Variants in SSH2 observed in about 807,000 individuals in gnomAD.
SSH2 encodes the protein slingshot protein phosphatase 2.
Under a neutral mutation model 135.2 loss-of-function variants are expected in SSH2, and 37 were observed. The observed-to-expected ratio is 0.27, with a 90% confidence interval of 0.21 to 0.36. The LOEUF (loss-of-function observed/expected upper bound fraction) is 0.36, where lower values mean the gene tolerates loss of function less well. SSH2 is among the 10% of genes least tolerant of loss of function. The pLI is 1.00. For synonymous variants in SSH2, 628 were observed against 646.2 expected (o/e 0.97, Z 0.43); for missense variants, 1,408 against 1,765.3 (o/e 0.80, Z 3.63).
intron 2 of SSH2, among the ~76,000 whole-genome samples, chr17:29,834,816 A>T (rs1417010083): frequency 2.0e-5 from 3 of 152,146 alleles, no homozygotes; most frequent in African/African-American, 7.2e-5. Flanking sequence ...ACAATTTCTC[A>T]TGGAACTATA....
chr17:29,761,954 C>G (rs1319769238), intron 3 of SSH2, among the ~76,000 whole-genome samples: 2 of 150,326 alleles, frequency 1.3e-5, no homozygotes, highest in Non-Finnish European at 3.0e-5. Flanking sequence ...GATCTTGGTT[C>G]ACTGCAACCT....
At chr17:29,699,149 T>A (rs1187565092) in intron 4 of SSH2, among the ~76,000 whole-genome samples, 1 of 152,230 alleles carries the variant, frequency 6.6e-6, no homozygotes, top group Non-Finnish European at 1.5e-5. Flanking sequence ...TCCCTACATT[T>A]CCCTACCATA....
At chr17:29,919,681 G>T (rs1235006577) in intron 1 of SSH2, among the ~76,000 whole-genome samples, 2 of 150,942 alleles carry the variant, frequency 1.3e-5, no homozygotes, top group African/African-American at 4.9e-5. Flanking sequence ...GGCTCATCAA[G>T]AATTACACTT....
Position 29,895,820 on chromosome 17 carries a change from A to G in SSH2, c.63+34118T>C, listed in dbSNP as rs62068657. 4.1e-4 allele frequency among the ~76,000 whole-genome samples: 14 copies of G among 33,852 alleles called. 1 individual carries two copies. The highest frequency in any genetic ancestry group is 1.5e-3 in the East Asian group (1 of 654). The allele number at this position is 33,852 out of a possible 152,430, so 22.2% of individuals were successfully genotyped here. ...ATTTCATGTATAAAATGTATTTTAT[A>G]TACACATTTCATGTATAAAATGTAT... On this transcript the variant is annotated intron_variant, in intron 1 of 15. Coordinates refer to ENST00000540801, the MANE Select transcript of SSH2 (RefSeq NM_001282129.2).
Position 29,795,051 on chromosome 17 carries a change from T to C in SSH2, c.145-1114A>G, listed in dbSNP as rs560192732. On this transcript the variant is annotated intron_variant, in intron 2 of 15. Transcript: ENST00000540801. ...GAGAAAAATAATCTCAGAGAATATG[T>C]GTACTGTCTGCCCAACAAGTCACCT... Among the ~76,000 whole-genome samples, 37 of 152,352 alleles carry C rather than the reference T, an allele frequency of 2.4e-4. No individual in the cohort carries two copies. In the East Asian group the frequency reaches 4.8e-3, roughly 20 times the overall value.
chr17:29,779,810 CAAAAAAAAAAA>C (rs56789691), intron 3 of SSH2, among the ~76,000 whole-genome samples: 1,198 of 19,540 alleles, frequency 0.061, 18 homozygotes, highest in Non-Finnish European at 0.083. Context: ...GACTCTGTCT[CAAAAAAAAAAA>C]AAAAAAAAAA....
At chr17:29,821,707 C>T (rs1405623526) in intron 2 of SSH2, among the ~76,000 whole-genome samples, 1 of 150,840 alleles carries the variant, frequency 6.6e-6, no homozygotes, top group Admixed American at 6.6e-5. Context: ...TGCAGCGGCG[C>T]GATCTCGGCT....
At chr17:29,785,803 T>A (rs1423661686) in intron 3 of SSH2, among the ~76,000 whole-genome samples, 2 of 130,520 alleles carry the variant, frequency 1.5e-5, no homozygotes, top group African/African-American at 6.5e-5. Context: ...CCAGTCCGTT[T>A]ACTTTTTTTT....
chr17:29,672,995 C>A (rs536266454), intron 8 of SSH2, among the ~76,000 whole-genome samples: 196 of 152,048 alleles, frequency 1.3e-3, no homozygotes, highest in Non-Finnish European at 2.2e-3. Flanking sequence ...GCGTGAGCCA[C>A]CGTGCCTGGC....
intron 8 of SSH2, among the ~76,000 whole-genome samples, chr17:29,675,388 C>A (rs1213525763): frequency 1.3e-5 from 2 of 152,136 alleles, no homozygotes; most frequent in Non-Finnish European, 2.9e-5. Flanking sequence ...TACTACCTAA[C>A]AGGCAGCTGA....
intron 11 of SSH2, among the ~76,000 whole-genome samples, chr17:29,664,944 G>A (rs979951056): frequency 6.6e-6 from 1 of 152,110 alleles, no homozygotes; most frequent in South Asian, 2.1e-4. Flanking sequence ...GAATCTGACT[G>A]TATTTCATAT....
chr17:29,661,618 A>G (rs1225842361), intron 11 of SSH2, among the ~76,000 whole-genome samples: 1 of 152,220 alleles, frequency 6.6e-6, no homozygotes, highest in Non-Finnish European at 1.5e-5. Flanking sequence ...AAGAACTACA[A>G]AGGACTTCAA....
intron 3 of SSH2, among the ~76,000 whole-genome samples, chr17:29,718,816 T>A (rs985743593): frequency 6.7e-6 from 1 of 148,836 alleles, no homozygotes; most frequent in Admixed American, 6.7e-5. Flanking sequence ...CCAAGATGGC[T>A]CATTTACATG....
chr17:29,709,015 T>TAGAGAGAGAGAGAGAG (rs58190730), intron 3 of SSH2, among the ~76,000 whole-genome samples: 27 of 81,594 alleles, frequency 3.3e-4, no homozygotes, highest in Non-Finnish European at 5.4e-4. Context: ...TATATATATA[T>TAGAGAGAGAGAGAGAG]AGAGAGAGAG....
At chr17:29,869,097 C>A (rs1319896215) in intron 1 of SSH2, among the ~76,000 whole-genome samples, 1 of 152,198 alleles carries the variant, frequency 6.6e-6, no homozygotes, top group Non-Finnish European at 1.5e-5. Context: ...ATGAACATTT[C>A]TCTAAACTAG....
At chr17:29,829,902 C>T (rs1397245103) in intron 2 of SSH2, among the ~76,000 whole-genome samples, 1 of 147,004 alleles carries the variant, frequency 6.8e-6, no homozygotes, top group African/African-American at 2.5e-5. Flanking sequence ...TGCAGTGGTG[C>T]AATCTCGGTT....
intron 3 of SSH2, among the ~76,000 whole-genome samples, chr17:29,786,423 A>C (rs1021216994): frequency 6.6e-6 from 1 of 152,160 alleles, no homozygotes; most frequent in Non-Finnish European, 1.5e-5. Flanking sequence ...AGCCTTGCAG[A>C]AAGTCCCTGT....
intron 3 of SSH2, among the ~76,000 whole-genome samples, chr17:29,779,809 T>TAAAAA (rs1567969193): frequency 1.9e-4 from 2 of 10,768 alleles, no homozygotes; most frequent in African/African-American, 7.3e-4. Context: ...AGACTCTGTC[T>TAAAAA]CAAAAAAAAA....
At chr17:29,907,147 G>T (rs979247554) in intron 1 of SSH2, among the ~76,000 whole-genome samples, 1 of 152,212 alleles carries the variant, frequency 6.6e-6, no homozygotes, top group African/African-American at 2.4e-5. Flanking sequence ...TAAAGAAAAT[G>T]TGGTACATAC....
Sources: allele counts gnomAD v4.1 joint callset (sites outside exome capture counted in the v4.1 genomes callset), GRCh38; gene constraint gnomAD v4.1.1; transcripts MANE v1.5; gene names NCBI Gene and HGNC (gene_info 2026-07-23, HGNC 2026-07-21).